MACROD2: variants seen among roughly 807,000 people sequenced by gnomAD.
MACROD2 encodes the protein ADP-ribose glycohydrolase MACROD2.
Under a neutral mutation model 70.4 loss-of-function variants are expected in MACROD2, and 36 were observed. The observed-to-expected ratio is 0.51, with a 90% CI of 0.39 to 0.68. The LOEUF (loss-of-function observed/expected upper bound fraction) is 0.68. Ranked by LOEUF, MACROD2 falls within the 30% of genes least tolerant of loss-of-function variation. MACROD2 has a pLI of 0.00. For missense variants in MACROD2, 496 were observed against 538.4 expected (o/e 0.92, Z 0.78); for synonymous variants, 172 against 178.8 (o/e 0.96, Z 0.30).
chr20:14,151,521 C>T (rs2055020457), intron 3 of MACROD2, among the ~76,000 whole-genome samples: 1 of 152,128 alleles, frequency 6.6e-6, no homozygotes, highest in African/African-American at 2.4e-5. Context: ...TTCATAGACT[C>T]AGCCACAAAA....
At position 15,754,053 on chromosome 20, in the gene MACROD2, T is replaced by C. The variant is rs138157903; in HGVS notation, c.646-108692T>C. 3.3e-3 allele frequency among the ~76,000 whole-genome samples: 500 copies of C among 152,280 alleles called. 4 individuals are homozygous for C. The highest frequency in any genetic ancestry group is 0.01 in the African/African-American group (430 of 41,560). On this transcript the variant is annotated intron_variant, in intron 8 of 17. Coordinates refer to ENST00000684519, the MANE Select transcript of MACROD2 (RefSeq NM_001351661.2). Reference sequence around the variant, plus strand: ...AAAAAATGTAAAAAGAGAGAAGATATGAATGACTCATGTAATAGTTACTTA... The same window carrying C: ...AAAAAATGTAAAAAGAGAGAAGATACGAATGACTCATGTAATAGTTACTTA...
chr20:14,807,395 A>G (rs1221102245), intron 5 of MACROD2, among the ~76,000 whole-genome samples: 1 of 152,154 alleles, frequency 6.6e-6, no homozygotes, highest in Non-Finnish European at 1.5e-5. Context: ...AATATCATCA[A>G]CATCAACAAA....
At chr20:14,460,048 CATGAACTCATCCTTTTTTA>C (rs1423640936) in intron 3 of MACROD2, among the ~76,000 whole-genome samples, 1 of 152,118 alleles carries the variant, frequency 6.6e-6, no homozygotes, top group Non-Finnish European at 1.5e-5. Flanking sequence ...CTGCAAAGGA[CATGAACTCATCCTTTTTTA>C]TGGCTGCACA....
chr20:15,135,605 A>G (rs2076140838), intron 5 of MACROD2, among the ~76,000 whole-genome samples: 1 of 130,024 alleles, frequency 7.7e-6, no homozygotes, highest in Non-Finnish European at 1.6e-5. Context: ...CACAGCCAAT[A>G]TCATACTGAA....
At chr20:15,607,759 C>T (rs1368574900) in intron 8 of MACROD2, among the ~76,000 whole-genome samples, 4 of 152,118 alleles carry the variant, frequency 2.6e-5, no homozygotes, top group Non-Finnish European at 5.9e-5. Context: ...GTCTCAAACT[C>T]CTGACCTCAG....
intron 8 of MACROD2, among the ~76,000 whole-genome samples, chr20:15,803,247 A>C (rs915713908): frequency 1.3e-5 from 2 of 152,116 alleles, no homozygotes; most frequent in East Asian, 3.9e-4. Context: ...CGAAAGATGC[A>C]AAACTCCTTA....
intron 5 of MACROD2, among the ~76,000 whole-genome samples, chr20:14,937,762 A>G (rs1369031435): frequency 1.3e-5 from 2 of 152,140 alleles, no homozygotes; most frequent in Admixed American, 6.5e-5. Flanking sequence ...CTGTTGATCT[A>G]TGAAACACAA....
rs1259535727 is a variant in MACROD2, at chr20:15,147,281, A to G, written c.419-82659A>G. Among the ~76,000 whole-genome samples the G allele has an allele frequency of 2.0e-5, 3 of 152,146 alleles. No homozygotes were observed. The East Asian group carries it at 5.8e-4, about 29-fold the overall frequency. On this transcript the variant is annotated intron_variant, in intron 5 of 17. Coordinates refer to ENST00000684519, the MANE Select transcript of MACROD2 (RefSeq NM_001351661.2). ...TTGAGTGCTAAATTGCTATTGCATA[A>G]TTTTCCTTATCTCTCATCTATAGAC...
intron 11 of MACROD2, among the ~76,000 whole-genome samples, chr20:15,934,939 T>C (rs1291327565): frequency 6.6e-6 from 1 of 152,096 alleles, no homozygotes; most frequent in Non-Finnish European, 1.5e-5. Flanking sequence ...TCTGCCCGCC[T>C]AAGCCTCCCA....
At chr20:15,421,396 A>G (rs400291) in intron 6 of MACROD2, among the ~76,000 whole-genome samples, 33,051 of 151,966 alleles carry the variant, frequency 0.22, 3,879 homozygotes, top group African/African-American at 0.28. Flanking sequence ...AAACAAAACA[A>G]AAAGAATATG....
Position 14,515,465 on chromosome 20 carries a change from GCACA to G in MACROD2, c.301+21987_301+21990del, listed in dbSNP as rs11467236. Among the ~76,000 whole-genome samples the G allele has an allele frequency of 5.3e-3, 673 of 127,140 alleles. 4 individuals are homozygous for G. Among genetic ancestry groups the G allele is most frequent in the African/African-American group, 0.018 (573 of 31,944 alleles). The allele number at this position is 127,140 out of a possible 152,430, so 83.4% of individuals were successfully genotyped here. A position where few individuals can be genotyped will look rare whatever the true frequency, so the allele number is the denominator to read the frequency against. ...AAGAATATGTGAGATACACACACACGCACACACACACACACACACACACACACAC... is the reference window on the plus strand; with the variant it reads ...AAGAATATGTGAGATACACACACACGCACACACACACACACACACACACAC... On this transcript the variant is annotated intron_variant, in intron 4 of 17. Coordinates refer to ENST00000684519, the MANE Select transcript of MACROD2 (RefSeq NM_001351661.2).
chr20:14,942,817 T>C (rs977708598), intron 5 of MACROD2, among the ~76,000 whole-genome samples: 1 of 152,202 alleles, frequency 6.6e-6, no homozygotes, highest in Non-Finnish European at 1.5e-5. Context: ...TATGTGTTTG[T>C]TTCTGAATAC....
intron 8 of MACROD2, among the ~76,000 whole-genome samples, chr20:15,501,118 CTGGACGTTCCTCAT>C (rs1218088097): frequency 1.3e-5 from 2 of 152,208 alleles, no homozygotes; most frequent in African/African-American, 4.8e-5. Flanking sequence ...TCATAACTCA[CTGGACGTTCCTCAT>C]TGGAATGCCA....
At chr20:15,195,638 A>T (rs1268065908) in intron 5 of MACROD2, among the ~76,000 whole-genome samples, 2 of 152,328 alleles carry the variant, frequency 1.3e-5, no homozygotes, top group African/African-American at 2.4e-5. Flanking sequence ...TGGTCGGAGT[A>T]TAAATTAGTT....
rs1430510803 is a variant in MACROD2 at position 14,230,705 on chromosome 20, CCA to C, written c.271+144978_271+144979del. On this transcript the variant is annotated intron_variant, in intron 3 of 17. Transcript: ENST00000684519. Reference sequence around the variant, plus strand: ...TATATATATATATATATATATGGGCCCAGCCTATGTTATAATTTGACCTCCTT... The same window carrying C: ...TATATATATATATATATATATGGGCCGCCTATGTTATAATTTGACCTCCTT... Among the ~76,000 whole-genome samples the C allele has an allele frequency of 6.9e-5, 7 of 101,112 alleles. 1 individual carries two copies. Among genetic ancestry groups the C allele is most frequent in the Admixed American group, 3.3e-4 (3 of 9,006 alleles). The allele number at this position is 101,112 out of a possible 152,430, so 66.3% of individuals were successfully genotyped here. A position where few individuals can be genotyped will look rare whatever the true frequency, so the allele number is the denominator to read the frequency against.
chr20:14,268,348 G>C (rs2082161670), intron 3 of MACROD2, among the ~76,000 whole-genome samples: 1 of 152,020 alleles, frequency 6.6e-6, no homozygotes, highest in South Asian at 2.1e-4. Flanking sequence ...TACTTGAATT[G>C]GTATCCAAAC....
intron 9 of MACROD2, among the ~76,000 whole-genome samples, chr20:15,870,491 A>G (rs1262593526): frequency 1.3e-5 from 2 of 152,140 alleles, no homozygotes; most frequent in Non-Finnish European, 2.9e-5. Context: ...TTGTAACAGT[A>G]TTAAGAGGTA....
chr20:14,584,404 T>A (rs1981237161), intron 4 of MACROD2, among the ~76,000 whole-genome samples: 1 of 152,150 alleles, frequency 6.6e-6, no homozygotes, highest in Non-Finnish European at 1.5e-5. Flanking sequence ...CAAACATTAA[T>A]TTGTCACGAT....
At chr20:15,684,969 T>C (rs1377390237) in intron 8 of MACROD2, among the ~76,000 whole-genome samples, 1 of 152,156 alleles carries the variant, frequency 6.6e-6, no homozygotes, top group East Asian at 1.9e-4. Flanking sequence ...CTCTATGAAA[T>C]CTTTGGTAAA....
Sources: gnomAD v4.1 joint callset for allele counts (sites outside exome capture counted in the v4.1 genomes callset) on GRCh38, gnomAD v4.1.1 for gene constraint, MANE v1.5 for transcripts, NCBI Gene and HGNC (gene_info 2026-07-23, HGNC 2026-07-21) for gene names.